The following CDC42BPA variants were observed in gnomAD, a reference collection of about 807,000 sequenced individuals.
CDC42BPA encodes the protein CDC42 binding protein kinase alpha.
A neutral mutation model predicts 223.5 loss-of-function variants in CDC42BPA; 80 were observed. The observed-to-expected ratio is 0.36, with a 90% CI of 0.30 to 0.43. CDC42BPA has a LOEUF of 0.43. CDC42BPA is among the 20% of genes least tolerant of loss of function. The pLI, the probability that CDC42BPA is intolerant of heterozygous loss-of-function variation, is 1.00. For missense variants in CDC42BPA, 1,743 were observed against 2,099.9 expected, an observed-to-expected ratio of 0.83 and a Z score of 3.32; for synonymous variants, 694 against 718.6, an observed-to-expected ratio of 0.97 and a Z score of 0.55.
chr1:227,181,226 A>C (rs1667878809), intron 5 of CDC42BPA, among the ~76,000 whole-genome samples: 1 of 152,246 alleles, frequency 6.6e-6, no homozygotes, highest in African/African-American at 2.4e-5. Context: ...AATTGAAAAA[A>C]AGATATGACT....
At chr1:227,133,789 A>C (rs1473906467) in intron 10 of CDC42BPA, among the ~76,000 whole-genome samples, 1 of 151,516 alleles carries the variant, frequency 6.6e-6, no homozygotes, top group African/African-American at 2.4e-5. Flanking sequence ...AGTCATCACC[A>C]CTCCCTAATC....
chr1:227,130,389 G>A (rs1182140234), intron 10 of CDC42BPA, among the ~76,000 whole-genome samples: 2 of 152,072 alleles, frequency 1.3e-5, no homozygotes, highest in East Asian at 1.9e-4. Context: ...TGCATCTGAT[G>A]TTGATTTTCT....
At chr1:227,168,497 G>GTTTTTTTTGTTTGTTTTTTT (rs1665480097) in intron 5 of CDC42BPA, among the ~76,000 whole-genome samples, 3 of 80,196 alleles carry the variant, frequency 3.7e-5, no homozygotes, top group Non-Finnish European at 4.7e-5. Flanking sequence ...CTTCCCTGGT[G>GTTTTTTTTGTTTGTTTTTTT]TTTTTTTTTT....
chr1:227,215,778 AT>A (rs1469680072), intron 2 of CDC42BPA, among the ~76,000 whole-genome samples: 3 of 152,182 alleles, frequency 2.0e-5, no homozygotes, highest in African/African-American at 7.2e-5. Flanking sequence ...AAATAAAAAA[AT>A]CTTTCATCTC....
At chr1:227,310,126 G>A (rs1247505966) in intron 1 of CDC42BPA, among the ~76,000 whole-genome samples, 1 of 152,100 alleles carries the variant, frequency 6.6e-6, no homozygotes, top group African/African-American at 2.4e-5. Flanking sequence ...TTCCCAAAGC[G>A]TATTCTGTGA....
chr1:227,305,782 A>G (rs1692426684), intron 1 of CDC42BPA, among the ~76,000 whole-genome samples: 1 of 152,012 alleles, frequency 6.6e-6, no homozygotes, highest in African/African-American at 2.4e-5. Flanking sequence ...CCTGGCCAAC[A>G]TAGTGAAACC....
In CDC42BPA at chr1:227,028,968, T is replaced by C; in HGVS notation, c.4121A>G (p.Lys1374Arg). ...ATATGGGACTTGAATTTCTTTAAAT[T>C]TTCTGTGACGGGTCTTGCTCTGAAA... ...ELFQSKTRHR[K>R]FKEIQVPYNV... Residue 1374 changes from lysine (K) to arginine (R), a missense_variant, in exon 30 of 37, where the codon AAA (lysine) becomes AGA (arginine). Lys to Arg is a conservative substitution (Grantham distance 26, BLOSUM62 2). Around this residue, in one of 6 missense-constraint regions of CDC42BPA, gnomAD observed 678 missense variants for 777.5 expected, o/e 0.87. Transcript: ENST00000366766. 1 of 1,614,140 alleles carries C rather than the reference T, an allele frequency of 6.2e-7. No individual in the cohort carries two copies. Among genetic ancestry groups the C allele is most frequent in the Non-Finnish European group, 8.5e-7 (1 of 1,180,024 alleles).
chr1:227,263,581 A>ATTT (rs200269802), intron 1 of CDC42BPA, among the ~76,000 whole-genome samples: 4 of 135,010 alleles, frequency 3.0e-5, no homozygotes, highest in Non-Finnish European at 4.8e-5. Context: ...CTTGAGAATC[A>ATTT]ATTTTTTTTT....
intron 1 of CDC42BPA, among the ~76,000 whole-genome samples, chr1:227,279,924 G>GGT (rs1269687489): frequency 6.6e-6 from 1 of 152,064 alleles, no homozygotes; most frequent in African/African-American, 2.4e-5. Flanking sequence ...CGGATGTGGT[G>GGT]GTGTGTGCCT....
chr1:227,038,300 T>C (rs1171598524), intron 24 of CDC42BPA, among the ~76,000 whole-genome samples: 1 of 152,226 alleles, frequency 6.6e-6, no homozygotes. Flanking sequence ...TCCCCAGTCA[T>C]GTGGAACTGA....
intron 11 of CDC42BPA, among the ~76,000 whole-genome samples, chr1:227,128,759 T>G (rs1185260774): frequency 6.6e-6 from 1 of 152,140 alleles, no homozygotes; most frequent in Non-Finnish European, 1.5e-5. Flanking sequence ...CCTTTTCCTC[T>G]CCTCACAAAT....
chr1:227,188,939 G>A (rs1053192942), intron 5 of CDC42BPA, among the ~76,000 whole-genome samples: 1 of 151,878 alleles, frequency 6.6e-6, no homozygotes, highest in Non-Finnish European at 1.5e-5. Context: ...GGCTGTGCGT[G>A]TGTGTGTGTG....
At chr1:227,239,780 C>T (rs946486204) in intron 2 of CDC42BPA, among the ~76,000 whole-genome samples, 1 of 152,026 alleles carries the variant, frequency 6.6e-6, no homozygotes, top group African/African-American at 2.4e-5. Flanking sequence ...ATAAAAGGCA[C>T]CTACCAAAAT....
intron 1 of CDC42BPA, among the ~76,000 whole-genome samples, chr1:227,264,211 A>T (rs1684594117): frequency 6.6e-6 from 1 of 152,192 alleles, no homozygotes; most frequent in Non-Finnish European, 1.5e-5. Flanking sequence ...TTCACAGGCA[A>T]TTTTAAATTC....
intron 23 of CDC42BPA, among the ~76,000 whole-genome samples, chr1:227,042,751 G>GA (rs1344214739): frequency 1.3e-5 from 2 of 151,626 alleles, no homozygotes; most frequent in Non-Finnish European, 2.9e-5. Context: ...TGGAAGAAGA[G>GA]AAAAAAATGA....
rs1660806368 is a variant in CDC42BPA at position 226,992,018 on chromosome 1, AGAGTGAGGAGGGTGGGG to A, written c.*2233_*2249del. 4.5e-4 allele frequency: 2 copies of A among 4,406 alleles called. No homozygotes were observed. Among genetic ancestry groups the A allele is most frequent in the South Asian group, 0.017 (2 of 116 alleles). 0.3% of individuals were successfully genotyped at this position (4,406 alleles called of 1,614,324 possible). The stretch of plus-strand genomic sequence containing the variant: ...AGGAGGAGAGGAGGGGAGGGTGGGG[AGAGTGAGGAGGGTGGGG>A]AGAGTGAGGAGGGTGGGGAGAGTGG... On this transcript the variant is annotated 3_prime_UTR_variant, in exon 37 of 37. Transcript: ENST00000366766.
At chr1:227,124,816 C>A (rs1392310394) in intron 11 of CDC42BPA, among the ~76,000 whole-genome samples, 7 of 152,124 alleles carry the variant, frequency 4.6e-5, no homozygotes, top group African/African-American at 1.7e-4. Context: ...CAGACTTATA[C>A]TTTAAAAGCT....
chr1:227,276,508 TC>T (rs1232562236), intron 1 of CDC42BPA, among the ~76,000 whole-genome samples: 7 of 148,590 alleles, frequency 4.7e-5, no homozygotes, highest in Admixed American at 4.0e-4. Context: ...GGCAGCCCCC[TC>T]CCGGCAGTCA....
intron 2 of CDC42BPA, among the ~76,000 whole-genome samples, chr1:227,223,776 C>A (rs10799408): frequency 0.09 from 13,708 of 152,212 alleles, 737 homozygotes; most frequent in East Asian, 0.17. Flanking sequence ...ACAGATGGTG[C>A]AAAAACAACA....
Sources: gnomAD v4.1 joint callset for allele counts (sites outside exome capture counted in the v4.1 genomes callset) on GRCh38, gnomAD v4.1.1 for gene constraint, gnomAD v4.1.1 regional missense constraint, MANE v1.5 for transcripts, NCBI Gene and HGNC (gene_info 2026-07-23, HGNC 2026-07-21) for gene names.